Variants in C12orf42 observed in about 807,000 individuals in gnomAD.
C12orf42 encodes the protein uncharacterized protein C12orf42.
C12orf42 carries 25 observed loss-of-function variants against 21.6 expected under a neutral mutation model. The observed-to-expected ratio is 1.16, with a 90% CI of 0.84 to 1.62. The LOEUF is 1.62. C12orf42 is among the 40% of genes most tolerant of loss of function. C12orf42 has a pLI of 0.00. For synonymous variants in C12orf42, 174 were observed against 175.0 expected (o/e 0.99, Z 0.05); for missense variants, 483 against 459.3 (o/e 1.05, Z -0.47).
chr12:103,352,939 A>T (rs2043221603), intron 4 of C12orf42, among the ~76,000 whole-genome samples: 1 of 152,158 alleles, frequency 6.6e-6, no homozygotes, highest in Non-Finnish European at 1.5e-5. Flanking sequence ...TCGTGTCCCA[A>T]AAAACAGAGA....
chr12:103,052,465 G>T, the C12orf42 span, among the ~76,000 whole-genome samples: 1 of 151,886 alleles, frequency 6.6e-6, no homozygotes, highest in Admixed American at 6.6e-5. Context: ...ACCCATTTAG[G>T]ATCCCCTTTT....
At chr12:103,546,975 C>T in the C12orf42 span, among the ~76,000 whole-genome samples, 4,436 of 152,304 alleles carry the variant, frequency 0.029, 113 homozygotes, top group East Asian at 0.12. Flanking sequence ...CACATTCTTC[C>T]ATGACTCTCC....
chr12:103,452,948 C>T (rs1952045765), intron 2 of C12orf42, among the ~76,000 whole-genome samples: 1 of 151,700 alleles, frequency 6.6e-6, no homozygotes, highest in Non-Finnish European at 1.5e-5. Flanking sequence ...ATGGGTGCAG[C>T]ACACCAACAT....
intron 5 of C12orf42, among the ~76,000 whole-genome samples, chr12:103,276,877 A>T (rs2035803090): frequency 6.6e-6 from 1 of 152,036 alleles, no homozygotes; most frequent in Non-Finnish European, 1.5e-5. Context: ...AATTGATAAC[A>T]TGTGATAATT....
the C12orf42 span, among the ~76,000 whole-genome samples, chr12:103,189,743 C>T: frequency 6.6e-6 from 1 of 152,182 alleles, no homozygotes; most frequent in Middle Eastern, 3.2e-3. Context: ...CAACAATTTG[C>T]CTGGGCAACA....
the C12orf42 span, among the ~76,000 whole-genome samples, chr12:103,107,699 T>C: frequency 3.3e-5 from 5 of 151,060 alleles, no homozygotes; most frequent in African/African-American, 4.9e-5. Flanking sequence ...AATTAGGAAA[T>C]GAATAACATT....
the C12orf42 span, among the ~76,000 whole-genome samples, chr12:103,222,301 G>A: frequency 6.6e-6 from 1 of 151,604 alleles, no homozygotes; most frequent in Non-Finnish European, 1.5e-5. Context: ...TTGTTCTCTG[G>A]CGGGCAGGAG....
At chr12:103,443,252 A>C (rs1243178595) in intron 2 of C12orf42, among the ~76,000 whole-genome samples, 2 of 152,134 alleles carry the variant, frequency 1.3e-5, no homozygotes, top group Non-Finnish European at 2.9e-5. Flanking sequence ...AAGAACAACA[A>C]AGGCAGAAGA....
intron 3 of C12orf42, among the ~76,000 whole-genome samples, chr12:103,375,204 C>T (rs1045091711): frequency 6.6e-6 from 1 of 152,054 alleles, no homozygotes; most frequent in Non-Finnish European, 1.5e-5. Context: ...TCAGGAGAAA[C>T]ATAAAAATGA....
At chr12:103,287,719 A>C (rs991276618) in intron 4 of C12orf42, among the ~76,000 whole-genome samples, 11 of 151,776 alleles carry the variant, frequency 7.2e-5, no homozygotes, top group African/African-American at 2.7e-4. Flanking sequence ...AAAAAAAAAA[A>C]ACAAAAAAAA....
the C12orf42 span, among the ~76,000 whole-genome samples, chr12:103,076,849 G>A: frequency 6.6e-6 from 1 of 152,036 alleles, no homozygotes; most frequent in Admixed American, 6.6e-5. Flanking sequence ...TCTAGATAAG[G>A]AAACTGAGAT....
the C12orf42 span, among the ~76,000 whole-genome samples, chr12:103,144,342 G>C: frequency 6.6e-6 from 1 of 152,166 alleles, no homozygotes; most frequent in Non-Finnish European, 1.5e-5. Flanking sequence ...GCATTTGTAG[G>C]CAACCTTGGC....
At chr12:103,494,786 C>T (rs1005105631) in intron 1 of C12orf42, among the ~76,000 whole-genome samples, 2 of 151,968 alleles carry the variant, frequency 1.3e-5, no homozygotes, top group Admixed American at 1.3e-4. Context: ...AGTATAAGAT[C>T]GCCTCAATTT....
At chr12:103,242,494 C>A (rs1470121255) in intron 10 of C12orf42, among the ~76,000 whole-genome samples, 2 of 152,100 alleles carry the variant, frequency 1.3e-5, no homozygotes, top group African/African-American at 4.8e-5. Flanking sequence ...TTTAATACTT[C>A]ACCCTGTCTT....
intron 2 of C12orf42, among the ~76,000 whole-genome samples, chr12:103,461,709 C>T (rs1027539521): frequency 6.6e-6 from 1 of 152,050 alleles, no homozygotes; most frequent in Non-Finnish European, 1.5e-5. Context: ...GTTTTGGTTC[C>T]CTCCTTTGTA....
In C12orf42 at chr12:103,374,990, T is replaced by C. The variant is rs545517872; in HGVS notation, c.148-5992A>G. 2.6e-5 allele frequency among the ~76,000 whole-genome samples: 4 copies of C among 152,334 alleles called. No homozygotes were observed. The East Asian group carries it at 5.8e-4, about 22-fold the overall frequency. ...TATTCCAGAAATGAAAGAGATGATA[T>C]TTGCTACAACTTACAACCCTTACAA... On this transcript the variant is annotated intron_variant, in intron 3 of 5. Transcript: ENST00000548883.
intron 2 of C12orf42, among the ~76,000 whole-genome samples, chr12:103,465,623 C>T (rs1423734724): frequency 6.6e-6 from 1 of 152,182 alleles, no homozygotes; most frequent in Non-Finnish European, 1.5e-5. Flanking sequence ...CTGGTCAGAA[C>T]TTCCAATACT....
chr12:103,121,046 G>C, the C12orf42 span, among the ~76,000 whole-genome samples: 2 of 152,108 alleles, frequency 1.3e-5, no homozygotes, highest in Admixed American at 6.6e-5. Context: ...ATTTAAGTCA[G>C]TTAAAGTGAT....
the C12orf42 span, among the ~76,000 whole-genome samples, chr12:103,071,357 T>A: frequency 3.3e-5 from 5 of 152,146 alleles, no homozygotes; most frequent in African/African-American, 4.8e-5. Context: ...AGACTCTTTT[T>A]CTATTACTGC....
Sources: gnomAD v4.1 joint callset for allele counts (sites outside exome capture counted in the v4.1 genomes callset) on GRCh38, gnomAD v4.1.1 for gene constraint, MANE v1.5 for transcripts, NCBI Gene and HGNC (gene_info 2026-07-23, HGNC 2026-07-21) for gene names.